Variants in SGIP1 observed in about 807,000 individuals in gnomAD.
SGIP1 encodes SH3-containing GRB2-like protein 3-interacting protein 1.
A neutral mutation model predicts 107.5 loss-of-function variants in SGIP1; 38 were observed. That is an observed-to-expected ratio of 0.35 (90% CI 0.27 to 0.46). The LOEUF (loss-of-function observed/expected upper bound fraction) is 0.46, where lower values mean the gene tolerates loss of function less well. Among genes scored for constraint, SGIP1 ranks in the 20% least tolerant of loss-of-function variants. The probability of loss-of-function intolerance (pLI) is 1.00; values close to 1 mark genes in which losing one functional copy is unlikely to be tolerated. For synonymous variants in SGIP1, 365 were observed against 366.1 expected, an observed-to-expected ratio of 1.00 and a Z score of 0.03; for missense variants, 929 against 1,019.5, an observed-to-expected ratio of 0.91 and a Z score of 1.21.
At chr1:66,549,222 C>G (rs980614414) in intron 1 of SGIP1, among the ~76,000 whole-genome samples, 1 of 151,362 alleles carries the variant, frequency 6.6e-6, no homozygotes, top group Non-Finnish European at 1.5e-5. Flanking sequence ...TTCCTTGCTT[C>G]CTCTCTTTCT....
intron 18 of SGIP1, among the ~76,000 whole-genome samples, chr1:66,718,717 A>G (rs530672740): frequency 6.6e-6 from 1 of 152,154 alleles, no homozygotes; most frequent in Non-Finnish European, 1.5e-5. Context: ...GAATTAGTGC[A>G]TTTATGTGTT....
At chr1:66,659,790 G>A (rs1377988240) in intron 7 of SGIP1, among the ~76,000 whole-genome samples, 1 of 150,522 alleles carries the variant, frequency 6.6e-6, no homozygotes, top group East Asian at 2.0e-4. Flanking sequence ...CATGCCTGTA[G>A]TCCTAGCTAC....
intron 1 of SGIP1, among the ~76,000 whole-genome samples, chr1:66,579,615 CT>C (rs1164373748): frequency 2.0e-5 from 3 of 152,196 alleles, no homozygotes; most frequent in South Asian, 4.2e-4. Context: ...TTCTAACAGA[CT>C]GCTTGTAATT....
intron 1 of SGIP1, among the ~76,000 whole-genome samples, chr1:66,558,526 T>G (rs2058498387): frequency 6.6e-6 from 1 of 151,960 alleles, no homozygotes. Flanking sequence ...CCCTGAAAGA[T>G]TATGTTGTAT....
chr1:66,734,506 T>G lies in SGIP1; in HGVS notation c.2031+626T>G, dbSNP rs572856638. 8.4e-3 allele frequency among the ~76,000 whole-genome samples: 1,151 copies of G among 136,320 alleles called. 16 individuals are homozygous for G. Among genetic ancestry groups the G allele is most frequent in the African/African-American group, 0.029 (1,091 of 37,092 alleles). 89.4% of individuals were successfully genotyped at this position (136,320 alleles called of 152,430 possible). ...CACTTGACTGCCTAGATTTTTTTGG[T>G]TTTTTTTTTTTTTTTTGAGACAGAG... On this transcript the variant is annotated intron_variant, in intron 21 of 24. Coordinates refer to ENST00000371037, the MANE Select transcript of SGIP1 (RefSeq NM_032291.4).
chr1:66,553,491 C>T (rs537692926), intron 1 of SGIP1, among the ~76,000 whole-genome samples: 10 of 152,050 alleles, frequency 6.6e-5, no homozygotes, highest in South Asian at 2.1e-4. Context: ...ACCTGGCCAA[C>T]GTGGTGAAAC....
At chr1:66,740,491 T>C (rs923085730) in intron 22 of SGIP1, among the ~76,000 whole-genome samples, 167 bp from the exon 23 acceptor site, 3 of 152,120 alleles carry the variant, frequency 2.0e-5, no homozygotes, top group African/African-American at 7.2e-5. Flanking sequence ...AAAAAAGAGA[T>C]TTATGTATGT....
chr1:66,733,965 G>A lies in SGIP1; in HGVS notation c.2031+85G>A, dbSNP rs77241583. 4,307 of 1,384,572 alleles carry A rather than the reference G, an allele frequency of 3.1e-3. 115 individuals carry two copies. In the African/African-American group the frequency reaches 0.053, roughly 17 times the overall value. The allele number at this position is 1,384,572 out of a possible 1,614,324, so 85.8% of individuals were successfully genotyped here. On this transcript the variant is annotated intron_variant, in intron 21 of 24. Transcript: ENST00000371037. ...CTACTATTGAATAAAAGTAACTAAA[G>A]TAACACTTCTTTTAACAGTATTTAA...
At chr1:66,541,415 C>T (rs2054911380) in intron 1 of SGIP1, among the ~76,000 whole-genome samples, 2 of 152,208 alleles carry the variant, frequency 1.3e-5, no homozygotes, top group Non-Finnish European at 1.5e-5. Context: ...CCCTTGGGCT[C>T]ATTCTTCTCA....
At chr1:66,658,422 AACT>A (rs1280456064) in intron 7 of SGIP1, among the ~76,000 whole-genome samples, 1 of 152,176 alleles carries the variant, frequency 6.6e-6, no homozygotes, top group African/African-American at 2.4e-5. Flanking sequence ...GTTAAGTAGG[AACT>A]AACTGAAATA....
chr1:66,642,734 GAAGACTCTAGA>G, intron 5 of SGIP1, 65 bp from the exon 6 acceptor site: 1 of 1,258,252 alleles, frequency 7.9e-7, no homozygotes, highest in South Asian at 1.7e-5. Context: ...TCCTTAAATA[GAAGACTCTAGA>G]AAAAAAATAA....
intron 24 of SGIP1, 98 bp downstream of exon 24, chr1:66,741,534 C>T (rs2094445837): frequency 8.2e-7 from 1 of 1,222,694 alleles, no homozygotes; most frequent in Admixed American, 3.1e-5. Flanking sequence ...TTTCCTCCAC[C>T]TCTTTCCCAC....
chr1:66,677,321 A>G (rs578169125), intron 13 of SGIP1, among the ~76,000 whole-genome samples: 47 of 152,380 alleles, frequency 3.1e-4, no homozygotes, highest in African/African-American at 1.1e-3. Flanking sequence ...ACCTTGAATC[A>G]TAGCCTTTTC....
At chr1:66,557,575 G>T (rs923412017) in intron 1 of SGIP1, among the ~76,000 whole-genome samples, 1 of 152,078 alleles carries the variant, frequency 6.6e-6, no homozygotes, top group Admixed American at 6.6e-5. Flanking sequence ...AGGGAACTGG[G>T]TCACTTCATT....
chr1:66,688,938 A>AC (rs1364951669), intron 15 of SGIP1, among the ~76,000 whole-genome samples: 1 of 152,068 alleles, frequency 6.6e-6, no homozygotes, highest in Non-Finnish European at 1.5e-5. Context: ...ACAAAAGGCA[A>AC]TGAGCTTCTA....
At chr1:66,659,715 G>A (rs1199318060) in intron 7 of SGIP1, among the ~76,000 whole-genome samples, 2 of 151,544 alleles carry the variant, frequency 1.3e-5, no homozygotes, top group Non-Finnish European at 2.9e-5. Flanking sequence ...TTCAAGACTA[G>A]CCTGGGCAAT....
Position 66,719,319 on chromosome 1 carries a change from A to T in SGIP1, c.1656A>T (p.Leu552=). The change falls in exon 19 of 25, where the codon CTA becomes CTT. Residue 552 remains leucine (L), a synonymous_variant. Coordinates refer to ENST00000371037, the MANE Select transcript of SGIP1 (RefSeq NM_032291.4). The part of the protein sequence containing the change: ...FEGSSRGPSP[L]TMGAQDTLPV... ...GTTCTTCCAGGGGACCCAGCCCCCT[A>T]ACCATGGGAGCTCAGGACACTCTCC... The T allele has an allele frequency of 6.2e-7, 1 of 1,613,314 alleles. No homozygotes were observed. The highest frequency in any genetic ancestry group is 8.5e-7 in the Non-Finnish European group (1 of 1,179,556).
intron 7 of SGIP1, among the ~76,000 whole-genome samples, chr1:66,645,439 T>C (rs2077492604): frequency 6.6e-6 from 1 of 152,158 alleles, no homozygotes; most frequent in Admixed American, 6.5e-5. Context: ...TATATTGACA[T>C]GATGTGGTTA....
intron 1 of SGIP1, among the ~76,000 whole-genome samples, chr1:66,612,923 C>T (rs1175124972): frequency 6.6e-6 from 1 of 152,172 alleles, no homozygotes; most frequent in Non-Finnish European, 1.5e-5. Flanking sequence ...TGGCTTATTA[C>T]TGTCAAAACT....
Sources: gnomAD v4.1 joint callset for allele counts (sites outside exome capture counted in the v4.1 genomes callset) on GRCh38, gnomAD v4.1.1 for gene constraint, MANE v1.5 for transcripts, NCBI Gene and HGNC (gene_info 2026-07-23, HGNC 2026-07-21) for gene names.